AGPAT5: variants seen among roughly 807,000 people sequenced by gnomAD.
AGPAT5 encodes the protein 1-acyl-sn-glycerol-3-phosphate acyltransferase epsilon.
A neutral mutation model predicts 45.6 loss-of-function variants in AGPAT5; 46 were observed. The ratio of observed to expected loss-of-function variants is 1.01; its 90% CI spans 0.80 to 1.29. The LOEUF is 1.29. AGPAT5 is among the 50% of genes most tolerant of loss of function. AGPAT5 has a pLI of 0.00. For missense variants in AGPAT5, 673 were observed against 450.7 expected (o/e 1.49, Z -4.47); for synonymous variants, 272 against 167.0 (o/e 1.63, Z -4.85).
intron 1 of AGPAT5, among the ~76,000 whole-genome samples, chr8:6,717,773 A>G (rs1266973389): frequency 6.6e-6 from 1 of 151,970 alleles, no homozygotes; most frequent in South Asian, 2.1e-4. Context: ...ATAGGAATAA[A>G]TTTTTTGTTG....
intron 4 of AGPAT5, among the ~76,000 whole-genome samples, chr8:6,734,044 A>G (rs1010922780): frequency 8.5e-5 from 13 of 152,186 alleles, no homozygotes; most frequent in Non-Finnish European, 1.8e-4. Context: ...CAGTTTAAGT[A>G]TCATATATCT....
intron 4 of AGPAT5, among the ~76,000 whole-genome samples, chr8:6,734,581 A>G (rs763159699): frequency 2.0e-5 from 3 of 152,138 alleles, no homozygotes; most frequent in Non-Finnish European, 4.4e-5. Context: ...TAATTCCAAC[A>G]TCTGGGCCAT....
intron 5 of AGPAT5, among the ~76,000 whole-genome samples, chr8:6,743,274 C>G (rs1801298267): frequency 6.6e-6 from 1 of 152,194 alleles, no homozygotes; most frequent in Non-Finnish European, 1.5e-5. Context: ...AAATCCATGG[C>G]TTTAGCCATC....
intron 2 of AGPAT5, among the ~76,000 whole-genome samples, chr8:6,728,986 G>A (rs1800777719): frequency 6.6e-6 from 1 of 152,022 alleles, no homozygotes; most frequent in Non-Finnish European, 1.5e-5. Context: ...TCTGTCTCTG[G>A]GATCATACAC....
At chr8:6,709,188 A>T (rs776186902) in intron 1 of AGPAT5, 4 of 455,596 alleles carry the variant, frequency 8.8e-6, no homozygotes, top group African/African-American at 2.0e-5. Flanking sequence ...CGTTTTAAAT[A>T]ATAGGGCACG....
rs1800634854 is a variant in AGPAT5, at chr8:6,724,937, C to A, written c.287C>A (p.Thr96Lys). Residue 96 changes from threonine (T) to lysine (K), a missense_variant and splice_region_variant, in exon 2 of 8, where the codon ACA becomes AAA. By Grantham distance (78) the Thr-to-Lys change is moderately conservative. Transcript: ENST00000285518. ...ATATATTTAGCAAATCATCAAAGCACAGGTTTGTATTTCATTTGCATGAAA... is the reference window on the plus strand; with the variant it reads ...ATATATTTAGCAAATCATCAAAGCAAAGGTTTGTATTTCATTTGCATGAAA... ...NIIYLANHQSTVDWIVADILA... is the reference protein window; with the variant it reads ...NIIYLANHQSKVDWIVADILA... 8.7e-7 allele frequency: 1 copy of A among 1,151,294 alleles called. No individual in the cohort carries two copies. Among genetic ancestry groups the A allele is most frequent in the South Asian group, 2.5e-5 (1 of 39,322 alleles). 71.3% of individuals were successfully genotyped at this position (1,151,294 alleles called of 1,614,324 possible).
intron 1 of AGPAT5, among the ~76,000 whole-genome samples, chr8:6,713,621 C>T (rs1800226546): frequency 6.6e-6 from 1 of 152,168 alleles, no homozygotes; most frequent in South Asian, 2.1e-4. Flanking sequence ...GTGGTGCAGT[C>T]TCCACTCACT....
intron 1 of AGPAT5, among the ~76,000 whole-genome samples, chr8:6,712,377 T>C (rs1174987603): frequency 6.6e-6 from 1 of 151,914 alleles, no homozygotes; most frequent in Non-Finnish European, 1.5e-5. Context: ...TGTGATTATA[T>C]ATATATATAT....
chr8:6,755,305 A>T, intron 7 of AGPAT5, 131 bp downstream of exon 7: 1 of 1,026,074 alleles, frequency 9.7e-7, no homozygotes, highest in Non-Finnish European at 1.4e-6. Context: ...ATCAAATTTT[A>T]TGCATGTCTG....
intron 3 of AGPAT5, among the ~76,000 whole-genome samples, chr8:6,731,292 C>T (rs572047874): frequency 3.9e-5 from 6 of 152,086 alleles, no homozygotes; most frequent in South Asian, 2.1e-4. Context: ...TATTTATATA[C>T]GTCTGATTAT....
At position 6,708,654 on chromosome 8, in the gene AGPAT5, C is replaced by T. The variant is rs370484641; in HGVS notation, c.-15C>T. 9.8e-6 allele frequency: 15 copies of T among 1,525,344 alleles called. No homozygotes were observed. The highest frequency in any genetic ancestry group is 8.5e-5 in the African/African-American group (6 of 70,408). The allele number at this position is 1,525,344 out of a possible 1,614,324, so 94.5% of individuals were successfully genotyped here. A position where few individuals can be genotyped will look rare whatever the true frequency, so the allele number is the denominator to read the frequency against. On this transcript the variant is annotated 5_prime_UTR_variant, in exon 1 of 8. Coordinates refer to ENST00000285518, the MANE Select transcript of AGPAT5 (RefSeq NM_018361.5). ...GGGGAGCGCAGGCGGAGCTCGCTGC[C>T]GCCGAGCTGAGAAGATGCTGCTGTC...
At position 6,757,460 on chromosome 8, in the gene AGPAT5, T is replaced by G. The variant is rs1186593500; in HGVS notation, c.*72T>G. ...TTGGCGGCTGCACATGACATCAAAT[T>G]GTTTCCTGAATTTATTAAGGAGTGT... On this transcript the variant is annotated 3_prime_UTR_variant, in exon 8 of 8. Transcript: ENST00000285518. The G allele has an allele frequency of 1.9e-5, 22 of 1,186,476 alleles. No homozygotes were observed. The Admixed American group carries it at 2.5e-4, about 13-fold the overall frequency. 73.5% of individuals were successfully genotyped at this position (1,186,476 alleles called of 1,614,324 possible). A position where few individuals can be genotyped will look rare whatever the true frequency, so the allele number is the denominator to read the frequency against.
chr8:6,709,066 C>T, intron 1 of AGPAT5, 179 bp downstream of exon 1: 1 of 724,144 alleles, frequency 1.4e-6, no homozygotes. Flanking sequence ...GCCGAGATCG[C>T]TCTCTAGGAA....
At position 6,730,805 on chromosome 8, in the gene AGPAT5, G is replaced by C. The variant is rs1291426822; in HGVS notation, c.384G>C (p.Leu128Phe). Residue 128 changes from leucine (L) to phenylalanine (F), a missense_variant, in exon 3 of 8, where the codon TTG (leucine) becomes TTC (phenylalanine). Physicochemically the swap from Leu to Phe is conservative, Grantham distance 22. Coordinates refer to ENST00000285518, the MANE Select transcript of AGPAT5 (RefSeq NM_018361.5). ...VLKEGLKWLPLYGCYFAQHGG... is the reference protein window; with the variant it reads ...VLKEGLKWLPFYGCYFAQHGG... ...AAGAAGGGTTAAAATGGCTGCCATT[G>C]TATGGGTGTTACTTTGCTCAGGTAA... 6.2e-6 allele frequency: 10 copies of C among 1,612,694 alleles called. No individual in the cohort carries two copies. Among genetic ancestry groups the C allele is most frequent in the Non-Finnish European group, 7.6e-6 (9 of 1,179,102 alleles).
chr8:6,755,155 C>CAAA lies in AGPAT5; in HGVS notation c.850_851insAAA (p.Arg284delinsGlnSer). The CAAA allele has an allele frequency of 6.2e-7, 1 of 1,600,772 alleles. No homozygotes were observed. Among genetic ancestry groups the CAAA allele is most frequent in the Non-Finnish European group, 8.5e-7 (1 of 1,177,666 alleles). On this transcript the variant is annotated protein_altering_variant, in exon 7 of 8. Transcript: ENST00000285518. Reference sequence around the variant, plus strand: ...ACATATGAGAAGATGGCTGCATGAACGTTTCGAAATCAAAGATAAGTGAGT... The same window carrying CAAA: ...ACATATGAGAAGATGGCTGCATGAACAAAGTTTCGAAATCAAAGATAAGTGAGT...
intron 1 of AGPAT5, among the ~76,000 whole-genome samples, chr8:6,716,427 G>A (rs1800331907): frequency 6.6e-6 from 1 of 152,124 alleles, no homozygotes; most frequent in African/African-American, 2.4e-5. Flanking sequence ...TGGGCATGGT[G>A]GTGTGTGCCT....
chr8:6,760,244 T>C lies in AGPAT5; in HGVS notation c.*2856T>C, dbSNP rs1035348098. Among the ~76,000 whole-genome samples, 7 of 151,950 alleles carry C rather than the reference T, an allele frequency of 4.6e-5. No homozygotes were observed. Among genetic ancestry groups the C allele is most frequent in the East Asian group, 1.9e-4 (1 of 5,194 alleles). On this transcript the variant is annotated 3_prime_UTR_variant, in exon 8 of 8. Transcript: ENST00000285518. The stretch of plus-strand genomic sequence containing the variant: ...CTGTCTACAAAAAAATTAAAAAAAA[T>C]TAGCCAGGCATGGTGGCGTACACTG...
At chr8:6,716,360 A>T (rs1332002179) in intron 1 of AGPAT5, among the ~76,000 whole-genome samples, 1 of 151,998 alleles carries the variant, frequency 6.6e-6, no homozygotes, top group Non-Finnish European at 1.5e-5. Flanking sequence ...GGCATTCGAG[A>T]CCAGTCTGGC....
chr8:6,709,629 A>T, intron 1 of AGPAT5: 1 of 151,190 alleles, frequency 6.6e-6, no homozygotes, highest in East Asian at 1.9e-4. Flanking sequence ...ATTCTTGGTT[A>T]TTCCTAATGT....
Sources: gnomAD v4.1 joint callset for allele counts (sites outside exome capture counted in the v4.1 genomes callset) on GRCh38, gnomAD v4.1.1 for gene constraint, MANE v1.5 for transcripts, NCBI Gene and HGNC (gene_info 2026-07-23, HGNC 2026-07-21) for gene names.